The following DNAH7 variants were observed in gnomAD, a reference collection of about 807,000 sequenced individuals.
DNAH7 encodes axonemal beta dynein heavy chain 7.
In DNAH7, 397 loss-of-function variants were observed where a neutral mutation model predicts 444.6. The ratio of observed to expected loss-of-function variants is 0.89; its 90% CI spans 0.82 to 0.97. The LOEUF (loss-of-function observed/expected upper bound fraction) is 0.97, where lower values mean the gene tolerates loss of function less well. Among genes scored for constraint, DNAH7 ranks in the 50% least tolerant of loss-of-function variants. The pLI, the probability that DNAH7 is intolerant of heterozygous loss-of-function variation, is 0.00. For synonymous variants in DNAH7, 1,636 were observed against 1,624.4 expected (o/e 1.01, Z -0.17); for missense variants, 4,902 against 4,800.8 (o/e 1.02, Z -0.62).
chr2:195,952,182 A>C (rs951135934), intron 19 of DNAH7, among the ~76,000 whole-genome samples: 1 of 152,144 alleles, frequency 6.6e-6, no homozygotes, highest in African/African-American at 2.4e-5. Flanking sequence ...TTTATCCTTC[A>C]CTTATGAAGC....
chr2:196,027,060 A>C, intron 6 of DNAH7, 120 bp from the exon 7 acceptor site: 1 of 706,116 alleles, frequency 1.4e-6, no homozygotes, highest in Non-Finnish European at 2.2e-6. Flanking sequence ...AGCATAAAAA[A>C]GTATTTGGTA....
In DNAH7 at chr2:195,857,525, C is replaced by A; in HGVS notation, c.8266G>T (p.Asp2756Tyr). The A allele has an allele frequency of 1.2e-6, 2 of 1,613,864 alleles. No homozygotes were observed. The highest frequency in any genetic ancestry group is 1.7e-6 in the Non-Finnish European group (2 of 1,179,886). Reference protein sequence around the residue: ...MRFLQSLHEYDKDNIPPAYMN... With the variant: ...MRFLQSLHEYYKDNIPPAYMN... ...TAAGCTGGAGGAATATTGTCCTTGT[C>A]ATATTCATGAAGTGACTGCAGAAAC... The change falls in exon 44 of 65, where the codon GAC (aspartate) becomes TAC (tyrosine). Residue 2756 changes from aspartate (D) to tyrosine (Y), a missense_variant. By Grantham distance (160) the Asp-to-Tyr change is radical. Coordinates refer to ENST00000312428, the MANE Select transcript of DNAH7 (RefSeq NM_018897.3).
chr2:196,003,501 T>C (rs1486760006), intron 10 of DNAH7, among the ~76,000 whole-genome samples: 2 of 152,196 alleles, frequency 1.3e-5, no homozygotes, highest in South Asian at 2.1e-4. Flanking sequence ...TCAAAGTGCT[T>C]AATAGATCAG....
rs942582885 is a variant in DNAH7 at position 195,830,139 on chromosome 2, T to C, written c.9100+4067A>G. Among the ~76,000 whole-genome samples the C allele has an allele frequency of 2.0e-5, 3 of 152,180 alleles. No individual in the cohort carries two copies. The South Asian group carries it at 6.2e-4, about 32-fold the overall frequency. On this transcript the variant is annotated intron_variant, in intron 48 of 64. Transcript: ENST00000312428. ...AGACAGACTTCTCTTCATGTTTCTATCATCAAGATTAACAATTTGCTGGTT... is the reference window on the plus strand; with the variant it reads ...AGACAGACTTCTCTTCATGTTTCTACCATCAAGATTAACAATTTGCTGGTT...
At chr2:195,799,691 TAC>T (rs149700527) in intron 54 of DNAH7, among the ~76,000 whole-genome samples, 1,568 of 152,242 alleles carry the variant, frequency 0.01, 35 homozygotes, top group East Asian at 0.068. Flanking sequence ...TGGTAATTGA[TAC>T]AAACATTCAA....
chr2:196,026,612 C>T, intron 7 of DNAH7, 148 bp downstream of exon 7: 1 of 588,882 alleles, frequency 1.7e-6, no homozygotes, highest in Non-Finnish European at 2.8e-6. Context: ...TGGAATTTGC[C>T]TAAGATCTTA....
chr2:195,850,003 G>A (rs986641969), intron 46 of DNAH7, among the ~76,000 whole-genome samples: 2 of 152,206 alleles, frequency 1.3e-5, no homozygotes, highest in African/African-American at 4.8e-5. Context: ...TGAAGCTGGA[G>A]TAGGCATGCT....
intron 9 of DNAH7, among the ~76,000 whole-genome samples, chr2:196,013,365 T>C (rs1361322132): frequency 6.6e-6 from 1 of 152,136 alleles, no homozygotes; most frequent in Non-Finnish European, 1.5e-5. Flanking sequence ...CTTTTGAGCC[T>C]GTCTGGTTTT....
rs1404826519 is a variant in DNAH7 at position 195,747,097 on chromosome 2, G to A, written c.11765-6228C>T. ...AAAGCATCAACAAAATTGATAGACC[G>A]CTAGCAAGACTAATAAAGAAGAAAA... On this transcript the variant is annotated intron_variant, in intron 63 of 64. Transcript: ENST00000312428. Among the ~76,000 whole-genome samples the A allele has an allele frequency of 1.2e-3, 176 of 152,114 alleles. 1 individual carries two copies. Among genetic ancestry groups the A allele is most frequent in the East Asian group, 4.1e-3 (21 of 5,184 alleles).
intron 51 of DNAH7, among the ~76,000 whole-genome samples, chr2:195,812,403 A>C (rs13425769): frequency 7.9e-5 from 12 of 152,134 alleles, no homozygotes; most frequent in African/African-American, 2.9e-4. Context: ...TTACATATAC[A>C]TGCATATTTG....
At chr2:196,061,306 T>C (rs1241022408) in intron 1 of DNAH7, among the ~76,000 whole-genome samples, 1 of 152,136 alleles carries the variant, frequency 6.6e-6, no homozygotes, top group Non-Finnish European at 1.5e-5. Context: ...TTACCCCATA[T>C]ACTGGAATCT....
chr2:196,004,962 C>CAAA (rs60564090), intron 10 of DNAH7, among the ~76,000 whole-genome samples: 26 of 63,670 alleles, frequency 4.1e-4, no homozygotes, highest in African/African-American at 1.2e-3. Flanking sequence ...GGCCTTGTGT[C>CAAA]AAAAAAAAAA....
chr2:195,995,849 T>G (rs1424484955), intron 12 of DNAH7, among the ~76,000 whole-genome samples: 4 of 152,230 alleles, frequency 2.6e-5, no homozygotes. Flanking sequence ...TTGTTCTTTT[T>G]GCTCAAGATT....
At chr2:195,987,244 A>G in intron 13 of DNAH7, 51 bp from the exon 14 acceptor site, 1 of 1,362,692 alleles carries the variant, frequency 7.3e-7, no homozygotes, top group Non-Finnish European at 9.8e-7. Flanking sequence ...AAACAAATAA[A>G]TTTTCACAAT....
At chr2:195,749,956 C>G (rs769476321) in intron 63 of DNAH7, among the ~76,000 whole-genome samples, 18 of 151,514 alleles carry the variant, frequency 1.2e-4, no homozygotes, top group Non-Finnish European at 2.4e-4. Context: ...ACATTGTGCA[C>G]ATGTACTCTA....
intron 36 of DNAH7, among the ~76,000 whole-genome samples, chr2:195,880,173 G>A (rs1003878747): frequency 1.3e-5 from 2 of 151,680 alleles, no homozygotes; most frequent in African/African-American, 2.4e-5. Context: ...AGGGCATGGC[G>A]GACAATAACC....
At chr2:195,999,997 A>T (rs1319617863) in intron 12 of DNAH7, among the ~76,000 whole-genome samples, 1 of 152,214 alleles carries the variant, frequency 6.6e-6, no homozygotes, top group Non-Finnish European at 1.5e-5. Flanking sequence ...AACAAGAAGG[A>T]GCAAAGGGGA....
intron 8 of DNAH7, among the ~76,000 whole-genome samples, chr2:196,019,979 ACCT>A (rs1695273927): frequency 8.7e-6 from 1 of 114,544 alleles, no homozygotes; most frequent in Non-Finnish European, 1.7e-5. Flanking sequence ...CTCCTCCTTC[ACCT>A]CCTCTTCCTC....
chr2:195,762,680 A>G (rs911507525), intron 61 of DNAH7, among the ~76,000 whole-genome samples: 1 of 152,206 alleles, frequency 6.6e-6, no homozygotes, highest in African/African-American at 2.4e-5. Flanking sequence ...AAGAGGATAT[A>G]ACAATTTTAA....
Sources: gnomAD v4.1 joint callset for allele counts (sites outside exome capture counted in the v4.1 genomes callset) on GRCh38, gnomAD v4.1.1 for gene constraint, MANE v1.5 for transcripts, NCBI Gene and HGNC (gene_info 2026-07-23, HGNC 2026-07-21) for gene names.